The following IL31RA variants were observed in gnomAD, a reference collection of about 807,000 sequenced individuals.
The protein encoded by IL31RA is interleukin-31 receptor subunit alpha.
IL31RA carries 66 observed loss-of-function variants against 83.7 expected under a neutral mutation model. That is an observed-to-expected ratio of 0.79 (90% CI 0.65 to 0.97). IL31RA has a LOEUF of 0.97. Among genes scored for constraint, IL31RA ranks in the 50% least tolerant of loss-of-function variants. The pLI, the probability that IL31RA is intolerant of heterozygous loss-of-function variation, is 0.00. For synonymous variants in IL31RA, 325 were observed against 329.0 expected (o/e 0.99, Z 0.13); for missense variants, 798 against 919.4 (o/e 0.87, Z 1.71).
chr5:55,916,869 C>T lies in IL31RA; in HGVS notation c.2044C>T (p.Leu682=). The stretch of plus-strand genomic sequence containing the variant: ...CTGCCCCTTCAGGCCTGATTGTCCC[C>T]TGGGGAAAAGTTTTGAGGAGCTCCC... ...VTCPFRPDCP[L]GKSFEELPVS... Residue 682 remains leucine, a synonymous_variant, in exon 15 of 15, where the codon CTG becomes TTG. Transcript: ENST00000652347. 8 of 1,614,110 alleles carry T rather than the reference C, an allele frequency of 5.0e-6. No homozygotes were observed. Among genetic ancestry groups the T allele is most frequent in the Non-Finnish European group, 6.8e-6 (8 of 1,179,992 alleles).
intron 7 of IL31RA, among the ~76,000 whole-genome samples, chr5:55,898,131 T>A (rs1046666983): frequency 1.3e-5 from 2 of 152,162 alleles, no homozygotes. Context: ...CCATCAAGTA[T>A]GAAAACAAAT....
chr5:55,872,517 G>C, intron 4 of IL31RA, 66 bp downstream of exon 4: 1 of 1,165,016 alleles, frequency 8.6e-7, no homozygotes, highest in South Asian at 1.3e-5. Flanking sequence ...TGTTCAAGAG[G>C]TATCTGTGGA....
rs1458867901 is a variant in IL31RA, at chr5:55,900,212, G to A, written c.1069+80G>A. ...GAGCAGTCCCTGTGCTCTCAAGGGTGGCTGTTTCTCTTGAGTCAAAATGAA... is the reference window on the plus strand; with the variant it reads ...GAGCAGTCCCTGTGCTCTCAAGGGTAGCTGTTTCTCTTGAGTCAAAATGAA... On this transcript the variant is annotated intron_variant, in intron 8 of 14. Transcript: ENST00000652347. The A allele has an allele frequency of 3.9e-6, 4 of 1,028,668 alleles. No homozygotes were observed. The African/African-American group carries it at 6.3e-5, about 16-fold the overall frequency. The allele number at this position is 1,028,668 out of a possible 1,614,324, so 63.7% of individuals were successfully genotyped here.
In IL31RA at chr5:55,903,669, T is replaced by A. The variant is rs1748961277; in HGVS notation, c.1070-2437T>A. Among the ~76,000 whole-genome samples, 1 of 151,820 alleles carries A rather than the reference T, an allele frequency of 6.6e-6. No individual in the cohort carries two copies. Among genetic ancestry groups the A allele is most frequent in the African/African-American group, 2.4e-5 (1 of 41,324 alleles). ...GAGCTCCAGTGTTGGTGAGAAGGAG[T>A]GTGGGTTTAGACACCAACACTGGCT... On this transcript the variant is annotated intron_variant, in intron 8 of 14. Coordinates refer to ENST00000652347, the MANE Select transcript of IL31RA (RefSeq NM_139017.7). This position sits in a 1 kb window ranked among gnomAD's most constrained non-coding sequence, Gnocchi z 4.7.
chr5:55,854,846 C>T (rs1745263143), intron 1 of IL31RA, among the ~76,000 whole-genome samples: 1 of 151,730 alleles, frequency 6.6e-6, no homozygotes, highest in Admixed American at 6.6e-5. Flanking sequence ...TGAAGGGTGA[C>T]AAGAATCTAA....
chr5:55,906,634 A>G (rs1473526571), intron 9 of IL31RA, among the ~76,000 whole-genome samples: 2 of 152,156 alleles, frequency 1.3e-5, no homozygotes, highest in Non-Finnish European at 2.9e-5. Context: ...TTCAGTTCTG[A>G]TTGCCTGTTT....
At chr5:55,904,535 G>A (rs964993534) in intron 8 of IL31RA, among the ~76,000 whole-genome samples, 8 of 152,204 alleles carry the variant, frequency 5.3e-5, no homozygotes, top group South Asian at 2.1e-4. Flanking sequence ...TCTTGCCCCG[G>A]CCTCTGCTCC....
At chr5:55,864,763 T>A (rs1745932724) in intron 2 of IL31RA, among the ~76,000 whole-genome samples, 1 of 145,742 alleles carries the variant, frequency 6.9e-6, no homozygotes, top group Non-Finnish European at 1.5e-5. Context: ...CACGTACACA[T>A]ACACACTACA....
intron 8 of IL31RA, among the ~76,000 whole-genome samples, chr5:55,904,181 T>G (rs1235243496): frequency 1.3e-5 from 2 of 152,182 alleles, no homozygotes; most frequent in Non-Finnish European, 2.9e-5. Flanking sequence ...GTATATACTT[T>G]GGGGGGATAC....
Position 55,922,250 on chromosome 5 carries a change from T to A in IL31RA, c.*5130T>A. ...TGCAGGGCTGTGCTGCCCAAGACGC[T>A]TGTCGTGTGCTGATGAAAAGGGCTG... On this transcript the variant is annotated 3_prime_UTR_variant, in exon 15 of 15. Transcript: ENST00000652347. 2.8e-6 allele frequency: 2 copies of A among 717,708 alleles called. No homozygotes were observed. The highest frequency in any genetic ancestry group is 5.1e-6 in the Non-Finnish European group (2 of 394,806). The allele number at this position is 717,708 out of a possible 1,614,324, so 44.5% of individuals were successfully genotyped here. A position where few individuals can be genotyped will look rare whatever the true frequency, so the allele number is the denominator to read the frequency against.
intron 14 of IL31RA, among the ~76,000 whole-genome samples, chr5:55,916,178 T>C (rs934210579): frequency 1.3e-5 from 2 of 152,032 alleles, no homozygotes; most frequent in Non-Finnish European, 2.9e-5. Flanking sequence ...CTCAGGAGTT[T>C]AAGACCAGCC....
chr5:55,866,062 G>C (rs959227755), intron 2 of IL31RA, among the ~76,000 whole-genome samples: 8 of 152,154 alleles, frequency 5.3e-5, no homozygotes, highest in African/African-American at 1.7e-4. Context: ...TGGTCCTGAA[G>C]TTCCTCTGTG....
chr5:55,903,938 G>C lies in IL31RA; in HGVS notation c.1070-2168G>C, dbSNP rs1172746678. 6.6e-6 allele frequency among the ~76,000 whole-genome samples: 1 copy of C among 152,176 alleles called. No homozygotes were observed. Among genetic ancestry groups the C allele is most frequent in the Non-Finnish European group, 1.5e-5 (1 of 68,028 alleles). On this transcript the variant is annotated intron_variant, in intron 8 of 14. Transcript: ENST00000652347. This position sits in a 1 kb window ranked among gnomAD's most constrained non-coding sequence, Gnocchi z 4.7. ...GCCATGCTCCCTAAAGTCTCTAGGG[G>C]AGAATCCTTCCTTACCCCTTCCAGC...
chr5:55,863,466 G>A (rs1041631253), intron 2 of IL31RA, among the ~76,000 whole-genome samples: 22 of 152,230 alleles, frequency 1.4e-4, no homozygotes, highest in African/African-American at 5.1e-4. Context: ...GTCAGCATCC[G>A]TTTTCAAGGC....
chr5:55,845,617 C>A, the IL31RA span, among the ~76,000 whole-genome samples: 1 of 152,158 alleles, frequency 6.6e-6, no homozygotes. Context: ...TTTTAAGTGT[C>A]TGGCATTTCT....
chr5:55,920,300 C>T lies in IL31RA; in HGVS notation c.*3180C>T, dbSNP rs1180305479. ...ATTCTGTCCCCATTTCCAGCACGCC[C>T]CTAGTTACTCCTGCTGCAGCAGGCA... is the stretch of plus-strand genomic sequence containing the variant. On this transcript the variant is annotated 3_prime_UTR_variant, in exon 15 of 15. Transcript: ENST00000652347. 6.6e-6 allele frequency among the ~76,000 whole-genome samples: 1 copy of T among 152,230 alleles called. No homozygotes were observed. The highest frequency in any genetic ancestry group is 6.5e-5 in the Admixed American group (1 of 15,288).
intron 4 of IL31RA, among the ~76,000 whole-genome samples, chr5:55,880,637 C>T (rs1747151846): frequency 6.6e-6 from 1 of 152,026 alleles, no homozygotes; most frequent in East Asian, 1.9e-4. Flanking sequence ...TGACAGCAGC[C>T]CTAAACATGG....
At chr5:55,876,155 C>T (rs1250307413) in intron 4 of IL31RA, among the ~76,000 whole-genome samples, 1 of 152,114 alleles carries the variant, frequency 6.6e-6, no homozygotes, top group East Asian at 1.9e-4. Context: ...TGCCTGTAAT[C>T]CCAGCACTTT....
At chr5:55,894,550 T>A (rs573445089) in intron 6 of IL31RA, among the ~76,000 whole-genome samples, 3 of 152,328 alleles carry the variant, frequency 2.0e-5, no homozygotes, top group African/African-American at 7.2e-5. Context: ...CATTGGGAGA[T>A]CCTGGGCCTA....
Sources: allele counts gnomAD v4.1 joint callset (sites outside exome capture counted in the v4.1 genomes callset), GRCh38; gene constraint gnomAD v4.1.1; non-coding constraint Gnocchi (gnomAD v3.1); transcripts MANE v1.5; gene names NCBI Gene and HGNC (gene_info 2026-07-23, HGNC 2026-07-21).